MEI1: variants seen among roughly 807,000 people sequenced by gnomAD.
MEI1 encodes the protein meiosis inhibitor protein 1.
MEI1 carries 103 observed loss-of-function variants against 146.2 expected under a neutral mutation model. The observed-to-expected ratio is 0.70, with a 90% confidence interval of 0.60 to 0.83. The LOEUF (loss-of-function observed/expected upper bound fraction) is 0.83. MEI1 is among the 40% of genes least tolerant of loss of function. MEI1 has a pLI of 0.00. For missense variants in MEI1, 1,529 were observed against 1,533.0 expected, an observed-to-expected ratio of 1.00 and a Z score of 0.04; for synonymous variants, 652 against 628.2, an observed-to-expected ratio of 1.04 and a Z score of -0.57.
intron 11 of MEI1, among the ~76,000 whole-genome samples, chr22:41,735,540 T>A (rs2072288850): frequency 1.3e-5 from 2 of 152,174 alleles, no homozygotes; most frequent in South Asian, 2.1e-4. Context: ...GCCATATTGT[T>A]ATTTTTTTTA....
At chr22:41,743,318 CAAT>C (rs918744652) in intron 12 of MEI1, 124 bp downstream of exon 12, 3 of 609,972 alleles carry the variant, frequency 4.9e-6, no homozygotes, top group Non-Finnish European at 8.8e-6. Context: ...CACATGGCTA[CAAT>C]GAGATGCTTT....
intron 4 of MEI1, 91 bp from the exon 5 acceptor site, chr22:41,715,950 C>CA (rs2070108392): frequency 1.1e-6 from 1 of 885,554 alleles, no homozygotes; most frequent in African/African-American, 1.7e-5. Context: ...ACATGCAATA[C>CA]AGGCATTGGT....
chr22:41,713,970 TC>T, intron 3 of MEI1, 31 bp from the exon 4 acceptor site: 1 of 1,557,106 alleles, frequency 6.4e-7, no homozygotes, highest in Non-Finnish European at 8.7e-7. Flanking sequence ...TGGGGGTGCC[TC>T]CTGGTTAGTA....
chr22:41,721,788 T>A (rs1427900504), intron 6 of MEI1, among the ~76,000 whole-genome samples: 1 of 140,210 alleles, frequency 7.1e-6, no homozygotes, highest in African/African-American at 2.7e-5. Context: ...TCGCACGATC[T>A]CAGCTCACTG....
chr22:41,781,431 G>A (rs2075752874), intron 23 of MEI1, 37 bp downstream of exon 23: 1 of 1,487,650 alleles, frequency 6.7e-7, no homozygotes, highest in Non-Finnish European at 9.3e-7. Context: ...AAGAGTGCTG[G>A]GCAGTCTGTG....
At chr22:41,780,316 G>A (rs147843681) in intron 22 of MEI1, among the ~76,000 whole-genome samples, 337 of 152,288 alleles carry the variant, frequency 2.2e-3, no homozygotes, top group Non-Finnish European at 3.5e-3. Flanking sequence ...GCTGAGACCT[G>A]CTTGTCTGGG....
intron 18 of MEI1, among the ~76,000 whole-genome samples, chr22:41,761,325 T>G (rs1395636129): frequency 3.0e-4 from 45 of 149,284 alleles, no homozygotes; most frequent in Admixed American, 1.3e-3. Context: ...TTTTGTTTTT[T>G]TTTTTTTGAG....
chr22:41,781,476 A>AG, intron 23 of MEI1, 82 bp downstream of exon 23: 2 of 1,283,294 alleles, frequency 1.6e-6, no homozygotes, highest in Non-Finnish European at 2.2e-6. Flanking sequence ...TCTTAAAAAA[A>AG]CAAATAGGGT....
chr22:41,749,900 G>A (rs2073631732), intron 15 of MEI1, among the ~76,000 whole-genome samples: 1 of 151,896 alleles, frequency 6.6e-6, no homozygotes, highest in Non-Finnish European at 1.5e-5. Flanking sequence ...CTGGTTTGGG[G>A]GGGTCAGTAG....
chr22:41,760,800 A>C (rs1204636320), intron 18 of MEI1, among the ~76,000 whole-genome samples: 1 of 152,214 alleles, frequency 6.6e-6, no homozygotes, highest in Non-Finnish European at 1.5e-5. Flanking sequence ...AGAACAGAGC[A>C]GGGAGTTTCA....
intron 19 of MEI1, among the ~76,000 whole-genome samples, chr22:41,769,622 G>T (rs2075054810): frequency 6.6e-6 from 1 of 151,782 alleles, no homozygotes; most frequent in South Asian, 2.1e-4. Flanking sequence ...ACAGGCATGT[G>T]CCATTATGCC....
rs1337557727 is a variant in MEI1 at position 41,795,606 on chromosome 22, G to A, written c.3666+64G>A. The stretch of plus-strand genomic sequence containing the variant: ...TAGACCCTCAACACCATCTTCTCTT[G>A]GAGGGTGGGAGCTCTGGCCACAGCA... On this transcript the variant is annotated intron_variant, in intron 29 of 30. Transcript: ENST00000401548. The surrounding 1 kb of genome is among the most constrained non-coding windows in gnomAD (Gnocchi z 4.2). 1.2e-5 allele frequency: 20 copies of A among 1,605,950 alleles called. No homozygotes were observed. The highest frequency in any genetic ancestry group is 1.2e-4 in the Admixed American group (7 of 59,564).
intron 11 of MEI1, among the ~76,000 whole-genome samples, chr22:41,735,837 T>C (rs1432809984): frequency 6.6e-6 from 1 of 152,206 alleles, no homozygotes; most frequent in Non-Finnish European, 1.5e-5. Flanking sequence ...TAGTTCCTCT[T>C]TGAATGCTCT....
intron 26 of MEI1, among the ~76,000 whole-genome samples, chr22:41,791,342 G>A (rs1484611311): frequency 6.6e-6 from 1 of 152,146 alleles, no homozygotes; most frequent in South Asian, 2.1e-4. Context: ...CAAAAAATTA[G>A]CTGGACGTGG....
intron 20 of MEI1, among the ~76,000 whole-genome samples, chr22:41,775,889 C>T (rs1049195199): frequency 2.6e-5 from 4 of 152,230 alleles, no homozygotes; most frequent in Middle Eastern, 3.4e-3. Context: ...CCACCATGCA[C>T]GGCCTAGGAT....
Position 41,795,840 on chromosome 22 carries a change from G to T in MEI1, c.3772G>T (p.Asp1258Tyr), listed in dbSNP as rs75338000. The change falls in exon 30 of 31, where the codon GAC becomes TAC. Residue 1258 changes from aspartate to tyrosine, a missense_variant. Around this residue, in one of 3 missense-constraint regions of MEI1, gnomAD observed 313 missense variants for 337.3 expected, o/e 0.93. Coordinates refer to ENST00000401548, the MANE Select transcript of MEI1 (RefSeq NM_152513.4). The surrounding 1 kb of genome is among the most constrained non-coding windows in gnomAD (Gnocchi z 4.2). ...STSSGQPPLQ[D>Y]MLCLGGVAVS... The stretch of plus-strand genomic sequence containing the variant: ...CTCCTCAGGCCAGCCACCCCTGCAG[G>T]ACATGCTGTATCCTTTCTTGCATCT... 4.3e-4 allele frequency: 697 copies of T among 1,613,542 alleles called. No homozygotes were observed. The African/African-American group carries it at 8.2e-3, about 19-fold the overall frequency.
At position 41,738,388 on chromosome 22, in the gene MEI1, A is replaced by G. The variant is rs2072564978; in HGVS notation, c.1332-4692A>G. Among the ~76,000 whole-genome samples, 3 of 152,108 alleles carry G rather than the reference A, an allele frequency of 2.0e-5. No individual in the cohort carries two copies. The South Asian group carries it at 6.2e-4, about 32-fold the overall frequency. On this transcript the variant is annotated intron_variant, in intron 11 of 30. Transcript: ENST00000401548. ...CGGATCACGAGGTCAGGAGTTCGAG[A>G]ACAGCCTGACCAACGTGGTTCATCC...
intron 4 of MEI1, among the ~76,000 whole-genome samples, chr22:41,715,541 G>A (rs1385028270): frequency 2.0e-5 from 3 of 151,606 alleles, no homozygotes; most frequent in Non-Finnish European, 2.9e-5. Flanking sequence ...GACTACAGGC[G>A]CCTCCCACCA....
chr22:41,752,445 T>G, intron 15 of MEI1, 146 bp from the exon 16 acceptor site: 1 of 696,530 alleles, frequency 1.4e-6, no homozygotes. Context: ...TTTTCCGGAG[T>G]GAAACTACTA....
Sources: allele counts gnomAD v4.1 joint callset (sites outside exome capture counted in the v4.1 genomes callset), GRCh38; gene constraint gnomAD v4.1.1; regional missense constraint gnomAD v4.1.1; non-coding constraint Gnocchi (gnomAD v3.1); transcripts MANE v1.5; gene names NCBI Gene and HGNC (gene_info 2026-07-23, HGNC 2026-07-21).